Variants in CTIF observed in about 807,000 individuals in gnomAD.
The protein encoded by CTIF is CBP80/20-dependent translation initiation factor.
In CTIF, 21 loss-of-function variants were observed where a neutral mutation model predicts 66.0. That is an observed-to-expected ratio of 0.32 (90% CI 0.23 to 0.46). The LOEUF (loss-of-function observed/expected upper bound fraction) is 0.46, where lower values mean the gene tolerates loss of function less well. Among genes scored for constraint, CTIF ranks in the 20% least tolerant of loss-of-function variants. The probability of loss-of-function intolerance (pLI) is 1.00; values close to 1 mark genes in which losing one functional copy is unlikely to be tolerated. For missense variants in CTIF, 739 were observed against 812.7 expected (o/e 0.91, Z 1.10); for synonymous variants, 345 against 326.4 (o/e 1.06, Z -0.62).
chr18:48,745,993 C>G (rs529601056), intron 7 of CTIF, among the ~76,000 whole-genome samples: 1 of 152,204 alleles, frequency 6.6e-6, no homozygotes, highest in African/African-American at 2.4e-5. Flanking sequence ...CAGGGACAAG[C>G]GAACCTGTCA....
At chr18:48,776,725 A>G (rs924132240) in intron 9 of CTIF, among the ~76,000 whole-genome samples, 1 of 152,252 alleles carries the variant, frequency 6.6e-6, no homozygotes, top group Non-Finnish European at 1.5e-5. Context: ...GAAGGTTGCA[A>G]GGAGGTCTAG....
chr18:48,641,284 A>G (rs931382216), intron 3 of CTIF, among the ~76,000 whole-genome samples: 2 of 152,366 alleles, frequency 1.3e-5, no homozygotes, highest in East Asian at 3.8e-4. Flanking sequence ...CCATCTGCAC[A>G]GGTGTGCCAA....
rs1488756559 is a variant in CTIF at position 48,761,671 on chromosome 18, G to T, written c.1353G>T (p.Leu451=). ...FMVEGTKFRS[L]LLNMLQKDFT... ...TGGAGGGGACCAAGTTCCGGAGCCT[G>T]CTCCTCAACATGCTGCAGGTAACTG... The change falls in exon 9 of 12, where the codon CTG becomes CTT. Residue 451 remains leucine, a synonymous_variant. Coordinates refer to ENST00000256413, the MANE Select transcript of CTIF (RefSeq NM_014772.3). This position sits in a 1 kb window ranked among gnomAD's most constrained non-coding sequence, Gnocchi z 4.2. The T allele has an allele frequency of 1.2e-6, 2 of 1,610,398 alleles. No homozygotes were observed. Among genetic ancestry groups the T allele is most frequent in the Non-Finnish European group, 1.7e-6 (2 of 1,176,966 alleles).
In CTIF at chr18:48,721,206, A is replaced by G. The variant is rs187359670; in HGVS notation, c.584+9511A>G. ...AATAGCAAAGGGAGACCCAATGACAAGAAAGGTGACTGAAGAGGACGTAGG... is the reference window on the plus strand; with the variant it reads ...AATAGCAAAGGGAGACCCAATGACAGGAAAGGTGACTGAAGAGGACGTAGG... On this transcript the variant is annotated intron_variant, in intron 7 of 11. Transcript: ENST00000256413. 2.0e-5 allele frequency among the ~76,000 whole-genome samples: 3 copies of G among 152,316 alleles called. No homozygotes were observed. The East Asian group carries it at 5.8e-4, about 29-fold the overall frequency.
chr18:48,721,756 C>CG (rs201027171), intron 7 of CTIF, among the ~76,000 whole-genome samples: 2,118 of 151,596 alleles, frequency 0.014, 19 homozygotes, highest in Non-Finnish European at 0.019. Flanking sequence ...TGCATCCCCC[C>CG]CTCTCTGTCC....
intron 9 of CTIF, among the ~76,000 whole-genome samples, chr18:48,807,927 ATTGTTCC>A (rs1296171888): frequency 6.6e-6 from 1 of 152,130 alleles, no homozygotes; most frequent in Non-Finnish European, 1.5e-5. Flanking sequence ...CATTTACTTA[ATTGTTCC>A]CCTGTTGTTG....
chr18:48,559,710 A>G (rs556429274), intron 1 of CTIF, among the ~76,000 whole-genome samples: 18 of 152,186 alleles, frequency 1.2e-4, no homozygotes, highest in African/African-American at 4.3e-4. Context: ...TTTCTCCACA[A>G]GGCTGCTTGG....
At chr18:48,554,207 G>T (rs1374385078) in intron 1 of CTIF, among the ~76,000 whole-genome samples, 1 of 152,162 alleles carries the variant, frequency 6.6e-6, no homozygotes, top group Non-Finnish European at 1.5e-5. Flanking sequence ...GAGCTGGCAG[G>T]GCTAGTGCAC....
At chr18:48,826,322 A>C (rs909578047) in intron 10 of CTIF, 2 of 152,220 alleles carry the variant, frequency 1.3e-5, no homozygotes, top group South Asian at 4.1e-4. Flanking sequence ...AGTGAGGTCC[A>C]TTCTCCCAAC....
intron 3 of CTIF, among the ~76,000 whole-genome samples, chr18:48,642,408 A>T (rs769923617): frequency 2.6e-5 from 4 of 152,140 alleles, no homozygotes; most frequent in Non-Finnish European, 5.9e-5. Context: ...GATGGAAGGG[A>T]AGAGAGAAGA....
At chr18:48,786,505 T>C (rs1183651775) in intron 9 of CTIF, among the ~76,000 whole-genome samples, 1 of 152,132 alleles carries the variant, frequency 6.6e-6, no homozygotes, top group Non-Finnish European at 1.5e-5. Flanking sequence ...GACGTTAGAG[T>C]TGTTAGGAGT....
intron 2 of CTIF, among the ~76,000 whole-genome samples, chr18:48,621,926 G>A (rs536273936): frequency 4.6e-5 from 7 of 152,338 alleles, no homozygotes; most frequent in African/African-American, 9.6e-5. Flanking sequence ...AGCCCCCAGC[G>A]GTTCATCCAC....
At chr18:48,591,205 G>C (rs555356409) in intron 1 of CTIF, among the ~76,000 whole-genome samples, 39 of 152,310 alleles carry the variant, frequency 2.6e-4, no homozygotes, top group Admixed American at 3.9e-4. Context: ...GAGGCAGTCC[G>C]ATGGCCTCAC....
At chr18:48,719,268 CA>C (rs1321283706) in intron 7 of CTIF, among the ~76,000 whole-genome samples, 6 of 152,110 alleles carry the variant, frequency 3.9e-5, no homozygotes, top group Non-Finnish European at 8.8e-5. Context: ...TGGGGGATAC[CA>C]AGTGCCTCTC....
intron 7 of CTIF, among the ~76,000 whole-genome samples, chr18:48,734,930 A>G (rs1568175634): frequency 6.6e-6 from 1 of 152,000 alleles, no homozygotes; most frequent in African/African-American, 2.4e-5. Context: ...CTGTGTGTGT[A>G]CTCCTGTGTA....
intron 7 of CTIF, among the ~76,000 whole-genome samples, chr18:48,750,442 G>A (rs1010484574): frequency 3.3e-5 from 5 of 152,240 alleles, no homozygotes; most frequent in African/African-American, 9.6e-5. Flanking sequence ...GCAAGATGGA[G>A]GAAGGTGGCA....
chr18:48,771,917 C>T (rs1391027824), intron 9 of CTIF, among the ~76,000 whole-genome samples: 2 of 152,260 alleles, frequency 1.3e-5, no homozygotes, highest in Admixed American at 6.5e-5. Flanking sequence ...CTCTACCTGC[C>T]GTGGCTGCCG....
At chr18:48,752,306 A>T (rs1018548308) in intron 7 of CTIF, among the ~76,000 whole-genome samples, 6 of 152,104 alleles carry the variant, frequency 3.9e-5, no homozygotes, top group Non-Finnish European at 8.8e-5. Flanking sequence ...GTTAGGAGGG[A>T]GTGCTCAGGA....
intron 1 of CTIF, among the ~76,000 whole-genome samples, chr18:48,564,023 G>A (rs2089223714): frequency 6.6e-6 from 1 of 152,144 alleles, no homozygotes; most frequent in Non-Finnish European, 1.5e-5. Flanking sequence ...TGGGGGAAAG[G>A]CTGCTCTCTA....
Sources: gnomAD v4.1 joint callset for allele counts (sites outside exome capture counted in the v4.1 genomes callset) on GRCh38, gnomAD v4.1.1 for gene constraint, Gnocchi (gnomAD v3.1) non-coding constraint, MANE v1.5 for transcripts, NCBI Gene and HGNC (gene_info 2026-07-23, HGNC 2026-07-21) for gene names.